Variants in NPLOC4 observed in about 807,000 individuals in gnomAD.
NPLOC4 encodes nuclear protein localization protein 4 homolog.
In NPLOC4, 18 loss-of-function variants were observed where a neutral mutation model predicts 80.6. That is an observed-to-expected ratio of 0.22 (90% CI 0.15 to 0.33). NPLOC4 has a LOEUF of 0.33. Among genes scored for constraint, NPLOC4 ranks in the 10% least tolerant of loss-of-function variants. NPLOC4 has a pLI of 1.00. For missense variants in NPLOC4, 540 were observed against 786.1 expected, an observed-to-expected ratio of 0.69 and a Z score of 3.74; for synonymous variants, 313 against 301.5, an observed-to-expected ratio of 1.04 and a Z score of -0.39.
chr17:81,572,183 A>T lies in NPLOC4; in HGVS notation c.1282-95T>A, dbSNP rs6565598. The stretch of plus-strand genomic sequence containing the variant: ...TGTCTCACCTTTTATTTAATTAATT[A>T]ATTTATTTATTTATTTATTTTTTGA... On this transcript the variant is annotated intron_variant, in intron 12 of 16. Transcript: ENST00000331134. The surrounding 1 kb of genome is among the most constrained non-coding windows in gnomAD (Gnocchi z 4.5). The T allele has an allele frequency of 0.013, 7,161 of 571,796 alleles. 161 individuals carry two copies. Among genetic ancestry groups the T allele is most frequent in the East Asian group, 0.063 (1,648 of 26,280 alleles). 35.4% of individuals were successfully genotyped at this position (571,796 alleles called of 1,614,324 possible).
At chr17:81,634,999 T>C (rs1367524211) in intron 1 of NPLOC4, among the ~76,000 whole-genome samples, 1 of 152,120 alleles carries the variant, frequency 6.6e-6, no homozygotes, top group East Asian at 1.9e-4. Flanking sequence ...GAGACCAGCC[T>C]GTACAACATA....
chr17:81,608,027 G>A (rs1296382794), intron 6 of NPLOC4, among the ~76,000 whole-genome samples: 2 of 152,178 alleles, frequency 1.3e-5, no homozygotes, highest in Non-Finnish European at 2.9e-5. Context: ...GCAAGGGCTT[G>A]CCATGGCTTA....
rs1447030066 is a variant in NPLOC4 at position 81,626,898 on chromosome 17, T to A, written c.96+2827A>T. On this transcript the variant is annotated intron_variant, in intron 2 of 16. Coordinates refer to ENST00000331134, the MANE Select transcript of NPLOC4 (RefSeq NM_017921.4). ...TGAGATCAGGAATTCGAGACCAGAC[T>A]GGCCAACATAGTGAAACCTCGTCTC... Among the ~76,000 whole-genome samples the A allele has an allele frequency of 2.1e-5, 3 of 142,544 alleles. No individual in the cohort carries two copies. The Admixed American group carries it at 2.2e-4, about 10-fold the overall frequency. The allele number at this position is 142,544 out of a possible 152,430, so 93.5% of individuals were successfully genotyped here.
chr17:81,589,016 G>A lies in NPLOC4; in HGVS notation c.1209C>T (p.Cys403=), dbSNP rs140635034. The A allele has an allele frequency of 6.2e-7, 1 of 1,614,034 alleles. No individual in the cohort carries two copies. Among genetic ancestry groups the A allele is most frequent in the African/African-American group, 1.3e-5 (1 of 75,066 alleles). Residue 403 remains cysteine, a synonymous_variant, in exon 12 of 17, where the codon TGC becomes TGT. Coordinates refer to ENST00000331134, the MANE Select transcript of NPLOC4 (RefSeq NM_017921.4). ...ALVRDECLLP[C]KDAPELGYAK... is the part of the protein sequence containing the mutation. ...CGTAGCCAAGCTCCGGGGCGTCCTT[G>A]CATGGCAGCAAACACTCATCACGGA... is the stretch of plus-strand genomic sequence containing the variant.
chr17:81,631,108 G>A (rs1275270113), intron 1 of NPLOC4, among the ~76,000 whole-genome samples: 2 of 151,974 alleles, frequency 1.3e-5, no homozygotes, highest in African/African-American at 4.8e-5. Context: ...AGGAGGCAGA[G>A]GTTGCAGTGA....
At chr17:81,564,110 A>ACACACACACACAGACACC in intron 16 of NPLOC4, 1 of 325,100 alleles carries the variant, frequency 3.1e-6, no homozygotes, top group Non-Finnish European at 6.0e-6. Context: ...ACACACACAC[A>ACACACACACACAGACACC]CACACACAAA....
intron 3 of NPLOC4, among the ~76,000 whole-genome samples, chr17:81,617,738 C>T (rs1034053482): frequency 6.9e-6 from 1 of 144,682 alleles, no homozygotes. Flanking sequence ...GCTGCCATCT[C>T]GGCTCACTGC....
chr17:81,597,415 C>A, intron 9 of NPLOC4, 99 bp from the exon 10 acceptor site: 2 of 889,568 alleles, frequency 2.2e-6, no homozygotes, highest in Non-Finnish European at 3.7e-6. Flanking sequence ...CTTTGAGAGG[C>A]CGAGGCAGGA....
At chr17:81,595,259 C>T (rs554940412) in intron 11 of NPLOC4, among the ~76,000 whole-genome samples, 1 of 151,456 alleles carries the variant, frequency 6.6e-6, no homozygotes, top group Non-Finnish European at 1.5e-5. Context: ...CAAGGCAAAA[C>T]CCAGTCGCTA....
chr17:81,602,930 CACAT>C (rs1454262151), intron 8 of NPLOC4, among the ~76,000 whole-genome samples: 10 of 141,474 alleles, frequency 7.1e-5, no homozygotes, highest in African/African-American at 2.5e-4. Context: ...TATACACACA[CACAT>C]ATATATATAC....
chr17:81,635,974 A>ATT (rs11375745), intron 1 of NPLOC4, among the ~76,000 whole-genome samples: 48 of 141,666 alleles, frequency 3.4e-4, no homozygotes, highest in South Asian at 1.1e-3. Flanking sequence ...GTGTGTGACA[A>ATT]TTTTTTTTTT....
intron 14 of NPLOC4, among the ~76,000 whole-genome samples, chr17:81,568,503 A>G (rs759946501): frequency 3.3e-5 from 5 of 152,196 alleles, no homozygotes; most frequent in Non-Finnish European, 7.3e-5. Context: ...TTTAAGAACA[A>G]CCATGTGTAC....
intron 11 of NPLOC4, among the ~76,000 whole-genome samples, chr17:81,590,215 C>G (rs1474765333): frequency 6.6e-6 from 1 of 152,218 alleles, no homozygotes; most frequent in African/African-American, 2.4e-5. Context: ...GACCTGGGAG[C>G]CCAGCTCCTC....
chr17:81,630,373 G>A (rs2035897083), intron 1 of NPLOC4, among the ~76,000 whole-genome samples: 1 of 151,954 alleles, frequency 6.6e-6, no homozygotes, highest in South Asian at 2.1e-4. Context: ...CTGCAGCCTT[G>A]ACATCCAAGG....
intron 9 of NPLOC4, among the ~76,000 whole-genome samples, chr17:81,598,940 T>TA (rs2034993961): frequency 6.6e-6 from 1 of 152,184 alleles, no homozygotes; most frequent in Admixed American, 6.5e-5. Flanking sequence ...AAGGGTTAAT[T>TA]ATGCAGTAAA....
intron 8 of NPLOC4, among the ~76,000 whole-genome samples, 163 bp from the exon 9 acceptor site, chr17:81,600,590 G>A (rs1397523113): frequency 5.3e-5 from 8 of 152,028 alleles, no homozygotes; most frequent in African/African-American, 1.4e-4. Flanking sequence ...CACGCCTCCC[G>A]GCTTCTCTCC....
intron 14 of NPLOC4, 53 bp downstream of exon 14, chr17:81,568,963 A>G: frequency 1.8e-6 from 2 of 1,102,416 alleles, no homozygotes; most frequent in South Asian, 2.5e-5. Flanking sequence ...TACTGACACT[A>G]GATAACAATC....
intron 3 of NPLOC4, among the ~76,000 whole-genome samples, 197 bp downstream of exon 3, chr17:81,621,969 A>G (rs963962147): frequency 7.9e-5 from 12 of 152,176 alleles, no homozygotes; most frequent in Non-Finnish European, 1.5e-4. Flanking sequence ...AGTCAATCAA[A>G]TCTGCTCAAT....
chr17:81,612,202 G>A (rs1406276256), intron 4 of NPLOC4, among the ~76,000 whole-genome samples: 1 of 152,102 alleles, frequency 6.6e-6, no homozygotes. Context: ...GTTTACGAGG[G>A]CGCCGGCGGC....
Sources: allele counts gnomAD v4.1 joint callset (sites outside exome capture counted in the v4.1 genomes callset), GRCh38; gene constraint gnomAD v4.1.1; non-coding constraint Gnocchi (gnomAD v3.1); transcripts MANE v1.5; gene names NCBI Gene and HGNC (gene_info 2026-07-23, HGNC 2026-07-21).